Variants in ST3GAL3 observed in about 807,000 individuals in gnomAD.
ST3GAL3 encodes the protein ST3 beta-galactoside alpha-2,3-sialyltransferase 3.
In ST3GAL3, 21 loss-of-function variants were observed where a neutral mutation model predicts 50.1. The observed-to-expected ratio is 0.42, with a 90% CI of 0.30 to 0.60. The LOEUF (loss-of-function observed/expected upper bound fraction) is 0.60, where lower values mean the gene tolerates loss of function less well. Among genes scored for constraint, ST3GAL3 ranks in the 20% least tolerant of loss-of-function variants. ST3GAL3 has a pLI of 0.19. For missense variants in ST3GAL3, 353 were observed against 489.4 expected (o/e 0.72, Z 2.63); for synonymous variants, 183 against 190.0 (o/e 0.96, Z 0.30).
At chr1:43,896,762 C>G (rs2077447238) in intron 6 of ST3GAL3, 1 of 152,196 alleles carries the variant, frequency 6.6e-6, no homozygotes, top group Non-Finnish European at 1.5e-5. Context: ...CCAAGCTGGT[C>G]TCAAACTCCT....
intron 4 of ST3GAL3, among the ~76,000 whole-genome samples, chr1:43,837,521 G>A (rs1011242275): frequency 6.6e-6 from 1 of 152,184 alleles, no homozygotes; most frequent in African/African-American, 2.4e-5. Flanking sequence ...GATGAGGCTG[G>A]CCATGTAGGA....
chr1:43,758,909 C>T (rs565116379), intron 2 of ST3GAL3, among the ~76,000 whole-genome samples: 104 of 151,880 alleles, frequency 6.8e-4, no homozygotes, highest in Non-Finnish European at 9.6e-4. Context: ...GGCGTGGTGG[C>T]GTGTGCTTGT....
intron 5 of ST3GAL3, among the ~76,000 whole-genome samples, chr1:43,858,719 A>C (rs964249913): frequency 2.0e-5 from 3 of 152,142 alleles, no homozygotes; most frequent in Non-Finnish European, 4.4e-5. Context: ...CTCAGCAGAG[A>C]GCAAGATGCT....
chr1:43,751,641 A>G (rs763325400), intron 2 of ST3GAL3, among the ~76,000 whole-genome samples: 6 of 152,214 alleles, frequency 3.9e-5, no homozygotes, highest in Non-Finnish European at 7.3e-5. Flanking sequence ...AGATAGGTCA[A>G]TCCCACACTT....
At chr1:43,882,834 G>A (rs1422937351) in intron 5 of ST3GAL3, among the ~76,000 whole-genome samples, 1 of 152,112 alleles carries the variant, frequency 6.6e-6, no homozygotes, top group Non-Finnish European at 1.5e-5. Context: ...GGTTTGTATA[G>A]GTCACTATCT....
intron 5 of ST3GAL3, chr1:43,851,300 C>T (rs1410544448): frequency 6.4e-7 from 1 of 1,554,266 alleles, no homozygotes; most frequent in Non-Finnish European, 8.9e-7. Flanking sequence ...GGTCAGGTGA[C>T]CCCCATCTGG....
In ST3GAL3 at chr1:43,920,496, G is replaced by A; in HGVS notation, c.837G>A (p.Glu279=). The change falls in exon 10 of 12, where the codon GAG becomes GAA. Residue 279 remains glutamate, a synonymous_variant. Transcript: ENST00000347631. ...TCCTCAACCCATATTTCATCCAGGA[G>A]GCCGCCTTCACCCTCATTGGCCTGC... ...IRILNPYFIQ[E]AAFTLIGLPF... The A allele has an allele frequency of 6.2e-7, 1 of 1,614,192 alleles. No homozygotes were observed. The highest frequency in any genetic ancestry group is 8.5e-7 in the Non-Finnish European group (1 of 1,180,038).
intron 3 of ST3GAL3, among the ~76,000 whole-genome samples, chr1:43,805,837 G>A (rs1191970354): frequency 1.3e-5 from 2 of 152,156 alleles, no homozygotes; most frequent in Non-Finnish European, 2.9e-5. Context: ...CTGGGTTCAG[G>A]CAGTTCTCCT....
chr1:43,843,615 AT>A (rs1558543251), intron 5 of ST3GAL3, among the ~76,000 whole-genome samples: 1 of 152,146 alleles, frequency 6.6e-6, no homozygotes, highest in Non-Finnish European at 1.5e-5. Flanking sequence ...GTGGGAAAAT[AT>A]TTCTTCATCT....
rs183542677 is a variant in ST3GAL3 at position 43,915,963 on chromosome 1, A to T, written c.745-4441A>T. 1.1e-3 allele frequency among the ~76,000 whole-genome samples: 161 copies of T among 152,224 alleles called. 2 individuals are homozygous for T. Among genetic ancestry groups the T allele is most frequent in the African/African-American group, 3.6e-3 (151 of 41,524 alleles). On this transcript the variant is annotated intron_variant, in intron 9 of 11. Coordinates refer to ENST00000347631, the MANE Select transcript of ST3GAL3 (RefSeq NM_006279.5). ...GTGAAACCCCATCTCTACTAAAAATAAAAAAATTAGCTGGGCATGGTGGCA... is the reference window on the plus strand; with the variant it reads ...GTGAAACCCCATCTCTACTAAAAATTAAAAAATTAGCTGGGCATGGTGGCA...
At chr1:43,862,045 A>G (rs201612307) in intron 5 of ST3GAL3, among the ~76,000 whole-genome samples, 6,427 of 151,624 alleles carry the variant, frequency 0.042, 162 homozygotes, top group East Asian at 0.13. Context: ...AAAAAAAAAA[A>G]AGAGAGACAA....
chr1:43,859,758 G>C (rs2069435026), intron 5 of ST3GAL3, among the ~76,000 whole-genome samples: 1 of 152,200 alleles, frequency 6.6e-6, no homozygotes, highest in African/African-American at 2.4e-5. Flanking sequence ...TCAGAAACCA[G>C]CTCTGATGAG....
intron 4 of ST3GAL3, among the ~76,000 whole-genome samples, chr1:43,826,769 G>A (rs1380850675): frequency 1.3e-5 from 2 of 152,100 alleles, no homozygotes; most frequent in Non-Finnish European, 2.9e-5. Context: ...TTTATTCCAG[G>A]TATGCAAGGC....
chr1:43,741,525 A>G lies in ST3GAL3; in HGVS notation c.118+5145A>G, dbSNP rs1308699652. 2.0e-5 allele frequency among the ~76,000 whole-genome samples: 3 copies of G among 152,228 alleles called. No individual in the cohort carries two copies. The East Asian group carries it at 5.8e-4, about 29-fold the overall frequency. ...TCTCTGGCACAAAAGCGGAAGTTGG[A>G]TCTGATATTAGGAGGACAGGTTGAA... On this transcript the variant is annotated intron_variant, in intron 2 of 11. Coordinates refer to ENST00000347631, the MANE Select transcript of ST3GAL3 (RefSeq NM_006279.5).
At chr1:43,715,390 A>G (rs1262119640) in intron 1 of ST3GAL3, among the ~76,000 whole-genome samples, 5 of 152,160 alleles carry the variant, frequency 3.3e-5, no homozygotes, top group Non-Finnish European at 7.3e-5. Flanking sequence ...CCTGGGCAAC[A>G]TAGTGAAACT....
At chr1:43,811,225 G>C (rs2060518687) in intron 3 of ST3GAL3, among the ~76,000 whole-genome samples, 1 of 152,160 alleles carries the variant, frequency 6.6e-6, no homozygotes, top group African/African-American at 2.4e-5. Context: ...GCCTGGTGGG[G>C]AAAGGGCATG....
intron 1 of ST3GAL3, among the ~76,000 whole-genome samples, chr1:43,714,250 CAG>C (rs1666209990): frequency 7.2e-6 from 1 of 138,134 alleles, no homozygotes; most frequent in Non-Finnish European, 1.5e-5. Context: ...GGTGACAAGA[CAG>C]GGAAACTCCA....
intron 2 of ST3GAL3, among the ~76,000 whole-genome samples, chr1:43,761,132 G>A (rs1450865430): frequency 6.6e-6 from 1 of 152,204 alleles, no homozygotes; most frequent in Non-Finnish European, 1.5e-5. Context: ...AGGCTGAGCA[G>A]TGGAAGAATG....
At chr1:43,922,907 C>T (rs2083297914) in intron 11 of ST3GAL3, among the ~76,000 whole-genome samples, 1 of 151,748 alleles carries the variant, frequency 6.6e-6, no homozygotes, top group Non-Finnish European at 1.5e-5. Flanking sequence ...CGAGACCATC[C>T]TGGCTAACAC....
Sources: allele counts gnomAD v4.1 joint callset (sites outside exome capture counted in the v4.1 genomes callset), GRCh38; gene constraint gnomAD v4.1.1; transcripts MANE v1.5; gene names NCBI Gene and HGNC (gene_info 2026-07-23, HGNC 2026-07-21).